Variants in GABRP observed in about 807,000 individuals in gnomAD.
GABRP encodes the protein gamma-aminobutyric acid type A receptor subunit pi.
Under a neutral mutation model 47.8 loss-of-function variants are expected in GABRP, and 52 were observed. That is an observed-to-expected ratio of 1.09 (90% confidence interval 0.87 to 1.37). The LOEUF (loss-of-function observed/expected upper bound fraction) is 1.37. Among genes scored for constraint, GABRP ranks in the 40% most tolerant of loss-of-function variants. GABRP has a pLI of 0.00. For synonymous variants in GABRP, 221 were observed against 205.8 expected (o/e 1.07, Z -0.63); for missense variants, 525 against 542.8 (o/e 0.97, Z 0.33).
At chr5:170,793,938 A>AAATAAT (rs1005808066) in intron 3 of GABRP, among the ~76,000 whole-genome samples, 1 of 152,062 alleles carries the variant, frequency 6.6e-6, no homozygotes, top group South Asian at 2.1e-4. Flanking sequence ...TCTGTCTCAA[A>AAATAAT]AATAATAATA....
At position 170,809,714 on chromosome 5, in the gene GABRP, G is replaced by A. The variant is rs1210544826; in HGVS notation, c.979G>A (p.Ala327Thr). Residue 327 changes from alanine to threonine, a missense_variant, in exon 9 of 10, where the codon GCT becomes ACT. Transcript: ENST00000265294. ...TGGGGCCTTGCTAGAATATGCAGTT[G>A]CTCACTACAGTTCCTTACAGCAGAT... ...VFGALLEYAV[A>T]HYSSLQQMAA... 17 of 1,610,200 alleles carry A rather than the reference G, an allele frequency of 1.1e-5. No individual in the cohort carries two copies. The highest frequency in any genetic ancestry group is 1.4e-5 in the Non-Finnish European group (17 of 1,178,166).
At chr5:170,808,882 C>T in intron 8 of GABRP, 130 bp downstream of exon 8, 2 of 764,040 alleles carry the variant, frequency 2.6e-6, no homozygotes, top group Non-Finnish European at 4.1e-6. Context: ...GATTCTTTTA[C>T]AGAGAAAGAA....
intron 3 of GABRP, among the ~76,000 whole-genome samples, chr5:170,792,603 C>G (rs1285547025): frequency 6.6e-6 from 1 of 152,154 alleles, no homozygotes; most frequent in East Asian, 1.9e-4. Context: ...CACCTTGCTG[C>G]CCAGAGGGGC....
intron 9 of GABRP, among the ~76,000 whole-genome samples, chr5:170,811,217 A>G (rs1406380315): frequency 2.0e-5 from 3 of 147,748 alleles, no homozygotes; most frequent in Admixed American, 2.0e-4. Context: ...TAATAATGGT[A>G]CTCATTTCAT....
chr5:170,800,062 G>A (rs1200710288), intron 6 of GABRP, among the ~76,000 whole-genome samples: 1 of 152,138 alleles, frequency 6.6e-6, no homozygotes, highest in Non-Finnish European at 1.5e-5. Context: ...GAACAAAGCT[G>A]GAGGCATCAT....
At chr5:170,805,661 A>G (rs1581604839) in intron 6 of GABRP, 55 bp from the exon 7 acceptor site, 2 of 1,600,182 alleles carry the variant, frequency 1.2e-6, no homozygotes, top group African/African-American at 1.3e-5. Flanking sequence ...TCCAGACCAG[A>G]CCAGTTCAAT....
chr5:170,797,637 C>A (rs1040014332), intron 6 of GABRP, 89 bp downstream of exon 6: 1 of 775,274 alleles, frequency 1.3e-6, no homozygotes, highest in Non-Finnish European at 2.3e-6. Context: ...ACACAGTGAC[C>A]TTTCTTTTCT....
At chr5:170,802,064 G>C (rs1765608964) in intron 6 of GABRP, among the ~76,000 whole-genome samples, 1 of 152,140 alleles carries the variant, frequency 6.6e-6, no homozygotes, top group South Asian at 2.1e-4. Flanking sequence ...AAAAAAAATT[G>C]CTTGATAGAT....
chr5:170,788,274 T>C, intron 1 of GABRP: 1 of 203,014 alleles, frequency 4.9e-6, no homozygotes, highest in Non-Finnish European at 9.8e-6. Context: ...CGCTGGAGCC[T>C]GGGAAGTTGA....
chr5:170,784,931 G>A (rs1335980586), intron 1 of GABRP, among the ~76,000 whole-genome samples: 1 of 152,176 alleles, frequency 6.6e-6, no homozygotes, highest in Non-Finnish European at 1.5e-5. Context: ...CCATGTCCCT[G>A]CAGATGCAGA....
At chr5:170,794,739 T>C (rs927311425) in intron 4 of GABRP, among the ~76,000 whole-genome samples, 1 of 151,976 alleles carries the variant, frequency 6.6e-6, no homozygotes, top group Non-Finnish European at 1.5e-5. Flanking sequence ...TAAGAGAACA[T>C]ATTCGAGACA....
In GABRP at chr5:170,812,108, CAAGTTT is replaced by C; in HGVS notation, c.1174_1179del (p.Lys392_Phe393del). The C allele has an allele frequency of 6.2e-7, 1 of 1,613,936 alleles. No homozygotes were observed. Among genetic ancestry groups the C allele is most frequent in the South Asian group, 1.1e-5 (1 of 91,078 alleles). Reference sequence around the variant, plus strand: ...TGACAATGAAAACCAGCGACAAGTTCAAGTTTGTCTTCCGAGAAAAGATGGGCAGGA... The same window carrying C: ...TGACAATGAAAACCAGCGACAAGTTCGTCTTCCGAGAAAAGATGGGCAGGA... On this transcript the variant is annotated inframe_deletion, in exon 10 of 10. Transcript: ENST00000265294.
At chr5:170,797,420 A>G (rs755670551) in intron 5 of GABRP, 46 bp from the exon 6 acceptor site, 3 of 1,225,890 alleles carry the variant, frequency 2.4e-6, no homozygotes, top group South Asian at 1.2e-5. Flanking sequence ...TGAACTTTCT[A>G]TAACTTCCTC....
chr5:170,812,683 A>G lies in GABRP; in HGVS notation c.*425A>G, dbSNP rs1433745016. ...AATCTCTGCAGTGCTTATAAAATAC[A>G]TTGTTGCCTATTTAGGGAGTAACAT... On this transcript the variant is annotated 3_prime_UTR_variant, in exon 10 of 10. Coordinates refer to ENST00000265294, the MANE Select transcript of GABRP (RefSeq NM_014211.3). 6.3e-6 allele frequency: 1 copy of G among 159,834 alleles called. No homozygotes were observed. The highest frequency in any genetic ancestry group is 1.8e-4 in the East Asian group (1 of 5,562). 9.9% of individuals were successfully genotyped at this position (159,834 alleles called of 1,614,324 possible).
intron 1 of GABRP, among the ~76,000 whole-genome samples, chr5:170,784,524 C>T (rs12656293): frequency 0.34 from 51,629 of 151,870 alleles, 9,602 homozygotes; most frequent in East Asian, 0.53. Flanking sequence ...GAAAAAGGTG[C>T]CATCAGCTCC....
At chr5:170,787,087 T>TCCCG (rs1241013351) in intron 1 of GABRP, among the ~76,000 whole-genome samples, 3 of 152,178 alleles carry the variant, frequency 2.0e-5, no homozygotes, top group African/African-American at 7.2e-5. Context: ...ACTGTCAACA[T>TCCCG]CCCGCATCAG....
rs137922461 is a variant in GABRP at position 170,786,478 on chromosome 5, C to T, written c.-42-2096C>T. ...AAGATGTGTTCTAGAAATGTTGGTA[C>T]ATTCAGACCATGAGACACCTTGCAG... On this transcript the variant is annotated intron_variant, in intron 1 of 9. Transcript: ENST00000265294. 9.2e-5 allele frequency among the ~76,000 whole-genome samples: 14 copies of T among 152,282 alleles called. No individual in the cohort carries two copies. In the East Asian group the frequency reaches 2.5e-3, roughly 27 times the overall value.
chr5:170,797,593 A>T, intron 6 of GABRP, 45 bp downstream of exon 6: 1 of 1,193,008 alleles, frequency 8.4e-7, no homozygotes, highest in Middle Eastern at 1.9e-4. Context: ...TTCCTGGGTG[A>T]CTTAGGTGTG....
intron 3 of GABRP, among the ~76,000 whole-genome samples, chr5:170,790,260 C>T (rs1765231379): frequency 6.6e-6 from 1 of 152,154 alleles, no homozygotes; most frequent in South Asian, 2.1e-4. Flanking sequence ...GAGTTTGGCT[C>T]CTAGCTCTCC....
Sources: allele counts gnomAD v4.1 joint callset (sites outside exome capture counted in the v4.1 genomes callset), GRCh38; gene constraint gnomAD v4.1.1; transcripts MANE v1.5; gene names NCBI Gene and HGNC (gene_info 2026-07-23, HGNC 2026-07-21).